ANGPTL2: variants seen among roughly 807,000 people sequenced by gnomAD.
ANGPTL2 encodes the protein angiopoietin-related protein 2.
ANGPTL2 carries 25 observed loss-of-function variants against 52.8 expected under a neutral mutation model. That is an observed-to-expected ratio of 0.47 (90% confidence interval 0.35 to 0.66). The LOEUF (loss-of-function observed/expected upper bound fraction) is 0.66. Among genes scored for constraint, ANGPTL2 ranks in the 30% least tolerant of loss-of-function variants. The pLI is 0.01. For missense variants in ANGPTL2, 546 were observed against 656.9 expected (o/e 0.83, Z 1.84); for synonymous variants, 276 against 277.4 (o/e 1.00, Z 0.05).
chr9:127,095,963 G>C (rs1300891568), intron 2 of ANGPTL2, among the ~76,000 whole-genome samples: 1 of 152,138 alleles, frequency 6.6e-6, no homozygotes, highest in African/African-American at 2.4e-5. Context: ...ATTGGTTTGG[G>C]TGCTGACACT....
chr9:127,090,946 G>GT (rs1163802312), intron 4 of ANGPTL2, among the ~76,000 whole-genome samples: 2 of 152,122 alleles, frequency 1.3e-5, no homozygotes, highest in Non-Finnish European at 1.5e-5. Context: ...CTTGTTTTTT[G>GT]TTTAATAAAG....
At chr9:127,107,775 C>T (rs2054362645) in intron 2 of ANGPTL2, 140 bp downstream of exon 2, 2 of 849,708 alleles carry the variant, frequency 2.4e-6, no homozygotes, top group Non-Finnish European at 3.5e-6. Context: ...CAGCTCAGCC[C>T]AAGGGATTGC....
intron 1 of ANGPTL2, among the ~76,000 whole-genome samples, chr9:127,115,977 C>G (rs945165153): frequency 6.6e-6 from 1 of 152,224 alleles, no homozygotes; most frequent in South Asian, 2.1e-4. Context: ...TGATTCCCCA[C>G]CAGAAGGCAC....
Position 127,114,637 on chromosome 9 carries a change from C to T in ANGPTL2, c.-49-5857G>A, listed in dbSNP as rs921071696. Among the ~76,000 whole-genome samples, 7 of 152,338 alleles carry T rather than the reference C, an allele frequency of 4.6e-5. No homozygotes were observed. The South Asian group carries it at 6.2e-4, about 14-fold the overall frequency. ...CTTACAGAACCACCCCCTCACCACC[C>T]GTCCTCTGGTCAGCACTGCCCATTG... is the stretch of plus-strand genomic sequence containing the variant. On this transcript the variant is annotated intron_variant, in intron 1 of 4. Coordinates refer to ENST00000373425, the MANE Select transcript of ANGPTL2 (RefSeq NM_012098.3).
intron 4 of ANGPTL2, among the ~76,000 whole-genome samples, chr9:127,090,164 C>T (rs1292004369): frequency 2.6e-5 from 4 of 152,180 alleles, no homozygotes; most frequent in African/African-American, 7.2e-5. Context: ...TCCTTGGGCA[C>T]GCCATAACCA....
intron 1 of ANGPTL2, among the ~76,000 whole-genome samples, chr9:127,120,168 C>G (rs1345252065): frequency 6.6e-6 from 1 of 152,162 alleles, no homozygotes; most frequent in African/African-American, 2.4e-5. Context: ...GACTATGGAT[C>G]CTCCTGATTT....
chr9:127,108,397 A>G lies in ANGPTL2; in HGVS notation c.335T>C (p.Val112Ala), dbSNP rs1175073810. The change falls in exon 2 of 5, where the codon GTG becomes GCG. Residue 112 changes from valine (V) to alanine (A), a missense_variant. Coordinates refer to ENST00000373425, the MANE Select transcript of ANGPTL2 (RefSeq NM_012098.3). The stretch of plus-strand genomic sequence containing the variant: ...CACCTCGCTCACAATGCCGCCGTCC[A>G]CCTCCACCAGCTGCTGCAGCGTCTC... ...QIETLQQLVE[V>A]DGGIVSEVKL... The G allele has an allele frequency of 1.2e-6, 2 of 1,607,374 alleles. No homozygotes were observed. The highest frequency in any genetic ancestry group is 2.2e-5 in the South Asian group (2 of 90,762).
chr9:127,089,025 C>T lies in ANGPTL2; in HGVS notation c.1396G>A (p.Val466Ile). ...GHYRSRYQDG[V>I]YWAEFRGGSY... ...CCTCCTCGGAACTCAGCCCAGTAGA[C>T]TCCGTCCTGGTAGCGGCTCCGGTAA... Residue 466 changes from valine (V) to isoleucine (I), a missense_variant, in exon 5 of 5, where the codon GTC (valine) becomes ATC (isoleucine). Transcript: ENST00000373425. The T allele has an allele frequency of 6.2e-7, 1 of 1,614,220 alleles. No individual in the cohort carries two copies. Among genetic ancestry groups the T allele is most frequent in the Non-Finnish European group, 8.5e-7 (1 of 1,180,042 alleles).
chr9:127,095,340 G>A (rs1429300142), intron 2 of ANGPTL2, among the ~76,000 whole-genome samples: 1 of 152,236 alleles, frequency 6.6e-6, no homozygotes, highest in Non-Finnish European at 1.5e-5. Context: ...GGAGGTTGCA[G>A]TGAGCTGAGA....
In ANGPTL2 at chr9:127,091,507, C is replaced by A. The variant is rs904780750; in HGVS notation, c.1282+163G>T. Among the ~76,000 whole-genome samples, 11 of 152,018 alleles carry A rather than the reference C, an allele frequency of 7.2e-5. No individual in the cohort carries two copies. The highest frequency in any genetic ancestry group is 1.6e-4 in the Non-Finnish European group (11 of 67,988). Reference sequence around the variant, plus strand: ...CAGCTTTGTGAAGGGGACCTGTGGGCAGGAGAAGGGACCCTCAGGGGGTGG... The same window carrying A: ...CAGCTTTGTGAAGGGGACCTGTGGGAAGGAGAAGGGACCCTCAGGGGGTGG... On this transcript the variant is annotated intron_variant, in intron 4 of 4. Coordinates refer to ENST00000373425, the MANE Select transcript of ANGPTL2 (RefSeq NM_012098.3). This position sits in a 1 kb window ranked among gnomAD's most constrained non-coding sequence, Gnocchi z 4.3.
chr9:127,095,381 G>C (rs2053004044), intron 2 of ANGPTL2, among the ~76,000 whole-genome samples: 1 of 152,214 alleles, frequency 6.6e-6, no homozygotes, highest in South Asian at 2.1e-4. Context: ...CTGAGTGGCA[G>C]AGCAAGACAA....
chr9:127,098,536 A>G (rs1026504666), intron 2 of ANGPTL2, among the ~76,000 whole-genome samples: 4 of 152,186 alleles, frequency 2.6e-5, no homozygotes, highest in Non-Finnish European at 5.9e-5. Context: ...GTAGGCACAC[A>G]GGGTCTGGGG....
chr9:127,097,850 G>T (rs2053305425), intron 2 of ANGPTL2, among the ~76,000 whole-genome samples: 1 of 152,198 alleles, frequency 6.6e-6, no homozygotes, highest in African/African-American at 2.4e-5. Flanking sequence ...CAATCTCGAT[G>T]GCCTCACCTA....
intron 1 of ANGPTL2, among the ~76,000 whole-genome samples, chr9:127,113,866 C>G (rs996823055): frequency 1.3e-5 from 2 of 152,188 alleles, no homozygotes; most frequent in African/African-American, 4.8e-5. Flanking sequence ...ATCATGTGTC[C>G]GCATCCCTCT....
Position 127,108,215 on chromosome 9 carries a change from C to T in ANGPTL2, c.517G>A (p.Ala173Thr), listed in dbSNP as rs1416114506. ...TGCTCCAGGTCCTTGTACTTGCTGGCCAGCTGCAGCATGTCGGCTGTCTGG... is the reference window on the plus strand; with the variant it reads ...TGCTCCAGGTCCTTGTACTTGCTGGTCAGCTGCAGCATGTCGGCTGTCTGG... ...LNQTADMLQL[A>T]SKYKDLEHKY... The change falls in exon 2 of 5, where the codon GCC becomes ACC. Residue 173 changes from alanine to threonine, a missense_variant. Transcript: ENST00000373425. The T allele has an allele frequency of 6.2e-7, 1 of 1,613,948 alleles. No individual in the cohort carries two copies. The highest frequency in any genetic ancestry group is 8.5e-7 in the Non-Finnish European group (1 of 1,179,996).
At position 127,093,787 on chromosome 9, in the gene ANGPTL2, G is replaced by A; in HGVS notation, c.957C>T (p.Ile319=). The A allele has an allele frequency of 6.2e-7, 1 of 1,614,028 alleles. No homozygotes were observed. Among genetic ancestry groups the A allele is most frequent in the South Asian group, 1.1e-5 (1 of 91,058 alleles). The change falls in exon 3 of 5, where the codon ATC becomes ATT. Residue 319 remains isoleucine, a synonymous_variant. Transcript: ENST00000373425. The part of the protein sequence containing the change: ...QRHDPGGWTV[I]QRRLDGSVNF... ...TAACAGAGCCATCCAGGCGTCTCTGGATGACGGTCCAGCCCCCGGGGTCGT... is the reference window on the plus strand; with the variant it reads ...TAACAGAGCCATCCAGGCGTCTCTGAATGACGGTCCAGCCCCCGGGGTCGT...
At chr9:127,109,170 A>G (rs2054556475) in intron 1 of ANGPTL2, among the ~76,000 whole-genome samples, 1 of 152,142 alleles carries the variant, frequency 6.6e-6, no homozygotes, top group Admixed American at 6.5e-5. Context: ...CTCTTCTGCT[A>G]CCTTTGGTTC....
intron 1 of ANGPTL2, among the ~76,000 whole-genome samples, chr9:127,111,502 G>A (rs371779361): frequency 1.3e-5 from 2 of 152,218 alleles, no homozygotes; most frequent in Non-Finnish European, 2.9e-5. Flanking sequence ...AACAGCTGCT[G>A]AGCAGCTGGG....
intron 2 of ANGPTL2, among the ~76,000 whole-genome samples, chr9:127,103,679 G>A (rs1014556389): frequency 1.3e-5 from 2 of 152,306 alleles, no homozygotes; most frequent in Middle Eastern, 3.4e-3. Flanking sequence ...TAGCGACAGT[G>A]TTTTGTGTCA....
Sources: gnomAD v4.1 joint callset for allele counts (sites outside exome capture counted in the v4.1 genomes callset) on GRCh38, gnomAD v4.1.1 for gene constraint, Gnocchi (gnomAD v3.1) non-coding constraint, MANE v1.5 for transcripts, NCBI Gene and HGNC (gene_info 2026-07-23, HGNC 2026-07-21) for gene names.